MAPKAPK3: variants seen among roughly 807,000 people sequenced by gnomAD.
The protein encoded by MAPKAPK3 is MAP kinase-activated protein kinase 3.
In MAPKAPK3, 35 loss-of-function variants were observed where a neutral mutation model predicts 49.2. The ratio of observed to expected loss-of-function variants is 0.71; its 90% CI spans 0.54 to 0.94. The LOEUF (loss-of-function observed/expected upper bound fraction) is 0.94. Among genes scored for constraint, MAPKAPK3 ranks in the 40% least tolerant of loss-of-function variants. MAPKAPK3 has a pLI of 0.00. For missense variants in MAPKAPK3, 398 were observed against 493.1 expected (o/e 0.81, Z 1.83); for synonymous variants, 178 against 188.7 (o/e 0.94, Z 0.46).
intron 2 of MAPKAPK3, among the ~76,000 whole-genome samples, chr3:50,632,294 G>T (rs2107586513): frequency 6.6e-6 from 1 of 152,278 alleles, no homozygotes; most frequent in Admixed American, 6.5e-5. Flanking sequence ...GAGCCTAACT[G>T]GTTTCCTTCT....
upstream of MAPKAPK3, chr3:50,611,767 C>T: frequency 7.4e-7 from 1 of 1,347,424 alleles, no homozygotes; most frequent in Non-Finnish European, 9.6e-7. Flanking sequence ...GGGCGCAGGA[C>T]AGGGACTGAG....
chr3:50,628,239 C>T (rs181490277), intron 2 of MAPKAPK3, among the ~76,000 whole-genome samples: 163 of 152,294 alleles, frequency 1.1e-3, no homozygotes, highest in African/African-American at 3.7e-3. Flanking sequence ...GTCACCTAGG[C>T]GTGACCTCAC....
At chr3:50,637,342 C>T (rs569643237) in intron 2 of MAPKAPK3, among the ~76,000 whole-genome samples, 3 of 152,270 alleles carry the variant, frequency 2.0e-5, no homozygotes, top group East Asian at 1.9e-4. Context: ...GAAGCAAAAC[C>T]AGTAAGAAAG....
chr3:50,629,192 C>A (rs959018938), intron 2 of MAPKAPK3, among the ~76,000 whole-genome samples: 1 of 152,130 alleles, frequency 6.6e-6, no homozygotes, highest in African/African-American at 2.4e-5. Flanking sequence ...CTTGGTCCAC[C>A]TTTGAAGAGC....
Position 50,647,162 on chromosome 3 carries a change from C to G in MAPKAPK3, c.955C>G (p.Arg319Gly), listed in dbSNP as rs1466112278. The change falls in exon 10 of 11, where the codon CGA becomes GGA. Residue 319 changes from arginine (R) to glycine (G), a missense_variant. By Grantham distance (125) the Arg-to-Gly change is moderately radical (BLOSUM62 -2). Coordinates refer to ENST00000621469, the MANE Select transcript of MAPKAPK3 (RefSeq NM_001243925.2). The part of the protein sequence containing the change: ...VVPQTPLHTA[R>G]VLQEDKDHWD... ...GCCACAGACCCCACTCCACACGGCC[C>G]GAGTGCTGCAGGAGGACAAAGACCA... is the stretch of plus-strand genomic sequence containing the variant. 1 of 1,596,946 alleles carries G rather than the reference C, an allele frequency of 6.3e-7. No individual in the cohort carries two copies.
chr3:50,626,032 G>A (rs998327373), intron 2 of MAPKAPK3, among the ~76,000 whole-genome samples: 4 of 152,082 alleles, frequency 2.6e-5, no homozygotes, highest in African/African-American at 9.7e-5. Context: ...CAGAACAGTG[G>A]ACTCAGGAGT....
rs191725142 is a variant in MAPKAPK3 at position 50,618,363 on chromosome 3, G to A, written c.219+579G>A. Among the ~76,000 whole-genome samples, 5 of 152,310 alleles carry A rather than the reference G, an allele frequency of 3.3e-5. No individual in the cohort carries two copies. The East Asian group carries it at 5.8e-4, about 18-fold the overall frequency. ...CGAGTCGCTGGTCCCGTGTTGAAAG[G>A]GACAGGCCCTGGGCCAACCCACCCC... On this transcript the variant is annotated intron_variant, in intron 2 of 10. Coordinates refer to ENST00000621469, the MANE Select transcript of MAPKAPK3 (RefSeq NM_001243925.2).
chr3:50,641,805 C>T (rs771153536), intron 4 of MAPKAPK3, 34 bp downstream of exon 4: 6 of 1,589,372 alleles, frequency 3.8e-6, no homozygotes, highest in Non-Finnish European at 5.2e-6. Flanking sequence ...CAGGAGGATT[C>T]AGGGTGAGAG....
intron 2 of MAPKAPK3, among the ~76,000 whole-genome samples, chr3:50,621,844 G>A (rs1301733558): frequency 6.6e-6 from 1 of 152,228 alleles, no homozygotes; most frequent in Non-Finnish European, 1.5e-5. Context: ...TCCTGCCCCT[G>A]TGTTATGGAC....
chr3:50,634,289 G>A (rs1416600451), intron 2 of MAPKAPK3, among the ~76,000 whole-genome samples: 1 of 152,164 alleles, frequency 6.6e-6, no homozygotes, highest in Non-Finnish European at 1.5e-5. Flanking sequence ...AGGGGTGTGT[G>A]TATGTGTACG....
rs1161921412 is a variant in MAPKAPK3 at position 50,644,572 on chromosome 3, C to A, written c.628+40C>A. The A allele has an allele frequency of 1.9e-6, 3 of 1,608,060 alleles. No individual in the cohort carries two copies. The African/African-American group carries it at 4.0e-5, about 21-fold the overall frequency. ...CATGAGTTGTAACTCCTCACCCCAA[C>A]TTATACAGCTGTATTATGGGGTAGC... On this transcript the variant is annotated intron_variant, in intron 6 of 10. Coordinates refer to ENST00000621469, the MANE Select transcript of MAPKAPK3 (RefSeq NM_001243925.2).
chr3:50,647,366 T>C (rs1437098118), intron 10 of MAPKAPK3, among the ~76,000 whole-genome samples, 163 bp downstream of exon 10: 2 of 152,182 alleles, frequency 1.3e-5, no homozygotes, highest in African/African-American at 4.8e-5. Flanking sequence ...ACTCCAAGGA[T>C]TGGGCCTCAC....
chr3:50,646,525 G>C (rs887549468), intron 8 of MAPKAPK3, among the ~76,000 whole-genome samples: 1 of 152,146 alleles, frequency 6.6e-6, no homozygotes, highest in Non-Finnish European at 1.5e-5. Context: ...CACAAACAAG[G>C]CTGCCCTGTA....
At chr3:50,634,729 G>A (rs2032993751) in intron 2 of MAPKAPK3, among the ~76,000 whole-genome samples, 1 of 152,164 alleles carries the variant, frequency 6.6e-6, no homozygotes, top group South Asian at 2.1e-4. Flanking sequence ...GACCTCAGGT[G>A]ATCCTCCCGC....
intron 2 of MAPKAPK3, among the ~76,000 whole-genome samples, chr3:50,622,674 A>G (rs775343194): frequency 5.3e-5 from 8 of 152,214 alleles, no homozygotes; most frequent in Non-Finnish European, 8.8e-5. Flanking sequence ...CAGCTCAGAG[A>G]TAAGCCACAG....
intron 5 of MAPKAPK3, among the ~76,000 whole-genome samples, chr3:50,642,637 C>T (rs549318213): frequency 6.8e-4 from 103 of 152,366 alleles, no homozygotes; most frequent in African/African-American, 2.3e-3. Context: ...CATTCTCACC[C>T]AGCCTTGTGA....
chr3:50,648,571 T>TCA lies in MAPKAPK3; in HGVS notation c.*531_*532dup, dbSNP rs1339452520. 6.5e-6 allele frequency: 1 copy of TCA among 154,672 alleles called. No individual in the cohort carries two copies. The highest frequency in any genetic ancestry group is 2.4e-5 in the African/African-American group (1 of 41,484). 9.6% of individuals were successfully genotyped at this position (154,672 alleles called of 1,614,324 possible). A position where few individuals can be genotyped will look rare whatever the true frequency, so the allele number is the denominator to read the frequency against. On this transcript the variant is annotated 3_prime_UTR_variant, in exon 11 of 11. Coordinates refer to ENST00000621469, the MANE Select transcript of MAPKAPK3 (RefSeq NM_001243925.2). ...CCTCTGCCTTGGGGAGGCTGATTTC[T>TCA]CACACACTGGCTGGCCCTCTCATTC...
At position 50,617,586 on chromosome 3, in the gene MAPKAPK3, G is replaced by A. The variant is rs755218440; in HGVS notation, c.21G>A (p.Glu7=). The A allele has an allele frequency of 6.3e-7, 1 of 1,582,124 alleles. No individual in the cohort carries two copies. The highest frequency in any genetic ancestry group is 1.1e-5 in the South Asian group (1 of 90,220). Residue 7 remains glutamate, a synonymous_variant, in exon 2 of 11, where the codon GAG becomes GAA. Coordinates refer to ENST00000621469, the MANE Select transcript of MAPKAPK3 (RefSeq NM_001243925.2). MDGETA[E]EQGGPVPPPV... is the part of the protein sequence containing the mutation. ...GGGCCATGGATGGTGAAACAGCAGAGGAGCAGGGGGGCCCTGTGCCCCCGC... is the reference window on the plus strand; with the variant it reads ...GGGCCATGGATGGTGAAACAGCAGAAGAGCAGGGGGGCCCTGTGCCCCCGC...
At chr3:50,637,321 T>TA (rs1427132056) in intron 2 of MAPKAPK3, among the ~76,000 whole-genome samples, 1 of 151,950 alleles carries the variant, frequency 6.6e-6, no homozygotes, top group Non-Finnish European at 1.5e-5. Flanking sequence ...CCCAGGGTGG[T>TA]AGGAGGAACA....
Sources: gnomAD v4.1 joint callset for allele counts (sites outside exome capture counted in the v4.1 genomes callset) on GRCh38, gnomAD v4.1.1 for gene constraint, MANE v1.5 for transcripts, NCBI Gene and HGNC (gene_info 2026-07-23, HGNC 2026-07-21) for gene names.